RADX: variants seen among roughly 807,000 people sequenced by gnomAD.
RADX encodes RPA-related protein RADX.
RADX carries 36 observed loss-of-function variants against 61.6 expected under a neutral mutation model. That is an observed-to-expected ratio of 0.58 (90% CI 0.45 to 0.77). RADX has a LOEUF of 0.77. Among genes scored for constraint, RADX ranks in the 30% least tolerant of loss-of-function variants. The probability of loss-of-function intolerance (pLI) is 0.00; values close to 1 mark genes in which losing one functional copy is unlikely to be tolerated. For missense variants in RADX, 497 were observed against 651.1 expected (o/e 0.76, Z 2.58); for synonymous variants, 272 against 237.9 (o/e 1.14, Z -1.32).
chrX:106,639,382 G>T lies in RADX; in HGVS notation c.1574-145G>T, dbSNP rs1603045893. On this transcript the variant is annotated intron_variant, in intron 8 of 13. Transcript: ENST00000372548. ...TTTGCCTATTTCACAAAATTATATA[G>T]AAGGATGCCAGATATAAACACAGTG... 56 of 438,851 alleles carry T rather than the reference G, an allele frequency of 1.3e-4. No homozygotes were observed. In the East Asian group the frequency reaches 2.4e-3, roughly 19 times the overall value. The allele number at this position is 438,851 out of a possible 1,213,427, so 36.2% of individuals were successfully genotyped here.
At chrX:106,612,790 G>T in intron 1 of RADX, 67 bp downstream of exon 1, 1 of 1,039,002 alleles carries the variant, frequency 9.6e-7, no homozygotes, top group South Asian at 2.3e-5. Context: ...GCGTGAACGG[G>T]AAAGGAAATG....
chrX:106,637,650 AAG>A (rs1215755131), intron 7 of RADX, 108 bp from the exon 8 acceptor site: 11 of 586,995 alleles, frequency 1.9e-5, no homozygotes, highest in South Asian at 3.9e-5. Flanking sequence ...TTGGTGATAA[AAG>A]AGGGATTGTT....
At position 106,632,733 on chromosome X, in the gene RADX, G is replaced by GGTAAAATAGTTTCTT. The variant is rs766946952; in HGVS notation, c.1088+8_1088+22dup. The GGTAAAATAGTTTCTT allele has an allele frequency of 1.1e-5, 12 of 1,122,978 alleles. No homozygotes were observed. Among genetic ancestry groups the GGTAAAATAGTTTCTT allele is most frequent in the Non-Finnish European group, 1.5e-5 (12 of 823,795 alleles). 92.5% of individuals were successfully genotyped at this position (1,122,978 alleles called of 1,213,427 possible). A position where few individuals can be genotyped will look rare whatever the true frequency, so the allele number is the denominator to read the frequency against. Reference sequence around the variant, plus strand: ...AAGCTAAATCACCGATTTACCACAAGGTAAAATAGTTTCTTGTAAAATGTC... The same window carrying GGTAAAATAGTTTCTT: ...AAGCTAAATCACCGATTTACCACAAGGTAAAATAGTTTCTTGTAAAATAGTTTCTTGTAAAATGTC... On this transcript the variant is annotated stop_gained and inframe_insertion and splice_region_variant. Transcript: ENST00000372548. LOFTEE classifies it high-confidence loss of function.
intron 3 of RADX, among the ~76,000 whole-genome samples, chrX:106,632,381 C>A (rs773298312): frequency 1.1e-4 from 12 of 110,884 alleles, no homozygotes; most frequent in Middle Eastern, 4.7e-3. Context: ...GTGATAAAAC[C>A]CTTTTTAAGT....
At chrX:106,672,532 A>T (rs934635557) in intron 13 of RADX, among the ~76,000 whole-genome samples, 5 of 111,214 alleles carry the variant, frequency 4.5e-5, no homozygotes, top group African/African-American at 1.6e-4. Context: ...GGCTGGAGTG[A>T]CACAAGCTGC....
At chrX:106,630,329 C>CA in intron 3 of RADX, among the ~76,000 whole-genome samples, 1 of 79,460 alleles carries the variant, frequency 1.3e-5, no homozygotes, top group African/African-American at 4.2e-5. Flanking sequence ...ACAACAACTA[C>CA]AAAAAAACAA....
chrX:106,635,642 G>A (rs1927341096), intron 6 of RADX, among the ~76,000 whole-genome samples: 1 of 111,803 alleles, frequency 8.9e-6, no homozygotes, highest in African/African-American at 3.2e-5. Flanking sequence ...TAGTAAATAT[G>A]AGATGTAGCA....
chrX:106,613,152 A>G (rs1212150620), intron 1 of RADX, among the ~76,000 whole-genome samples: 3 of 112,101 alleles, frequency 2.7e-5, no homozygotes, highest in Non-Finnish European at 5.6e-5. Flanking sequence ...GGTTGTAAAA[A>G]TTTGCGGGTT....
In RADX at chrX:106,612,536, C is replaced by A; in HGVS notation, c.456C>A (p.Asn152Lys). 1 of 1,211,056 alleles carries A rather than the reference C, an allele frequency of 8.3e-7. No individual in the cohort carries two copies. Among genetic ancestry groups the A allele is most frequent in the Non-Finnish European group, 1.1e-6 (1 of 894,887 alleles). ...GCCAGGGGATCCTGTGCATAGATAACGTCCACTGTGGGGAGACTTCAGACA... is the reference window on the plus strand; with the variant it reads ...GCCAGGGGATCCTGTGCATAGATAAAGTCCACTGTGGGGAGACTTCAGACA... Reference protein sequence around the residue: ...RIGQGILCIDNVHCGETSDSI... With the variant: ...RIGQGILCIDKVHCGETSDSI... Residue 152 changes from asparagine to lysine, a missense_variant, in exon 1 of 14, where the codon AAC (asparagine) becomes AAA (lysine). Asn to Lys is a moderately conservative substitution (Grantham distance 94). Transcript: ENST00000372548.
intron 11 of RADX, among the ~76,000 whole-genome samples, chrX:106,659,273 C>T (rs766050024): frequency 1.8e-5 from 2 of 111,969 alleles, no homozygotes; most frequent in African/African-American, 3.2e-5. Context: ...GAGCCTGCCT[C>T]TATCAACCTA....
At chrX:106,637,661 T>C in intron 7 of RADX, 99 bp from the exon 8 acceptor site, 1 of 688,656 alleles carries the variant, frequency 1.5e-6, no homozygotes, top group Non-Finnish European at 2.1e-6. Context: ...AGAGGGATTG[T>C]TTTAATAGTA....
Position 106,636,547 on chromosome X carries a change from A to G in RADX, c.1308A>G (p.Ala436=), listed in dbSNP as rs1259860266. The change falls in exon 7 of 14, where the codon GCA becomes GCG. Residue 436 remains alanine, a synonymous_variant. Coordinates refer to ENST00000372548, the MANE Select transcript of RADX (RefSeq NM_018015.6). ...ATAAGTGTTTTTGTTCTCTAGTGGC[A>G]TATTTTGTGTGTACACAGTTGAAAG... ...PEIFENIYPM[A]YFVCTQLKVV... 8.6e-7 allele frequency: 1 copy of G among 1,166,931 alleles called. No homozygotes were observed. Among genetic ancestry groups the G allele is most frequent in the Admixed American group, 2.2e-5 (1 of 44,755 alleles).
intron 1 of RADX, among the ~76,000 whole-genome samples, chrX:106,616,146 A>G (rs1468439596): frequency 1.8e-5 from 2 of 111,460 alleles, no homozygotes; most frequent in African/African-American, 6.5e-5. Flanking sequence ...TGATTAAACC[A>G]ATAATGCTTT....
chrX:106,641,629 C>G (rs1258364834), intron 10 of RADX, among the ~76,000 whole-genome samples: 2 of 111,215 alleles, frequency 1.8e-5, no homozygotes, highest in South Asian at 7.7e-4. Flanking sequence ...GATTTTAAGG[C>G]TTCAGAATTA....
chrX:106,615,477 T>G (rs1412042259), intron 1 of RADX, among the ~76,000 whole-genome samples: 5 of 111,719 alleles, frequency 4.5e-5, no homozygotes, highest in African/African-American at 1.6e-4. Flanking sequence ...AAACCTCCAG[T>G]CTTTTTCCTG....
chrX:106,631,711 A>AG (rs1160580001), intron 3 of RADX, among the ~76,000 whole-genome samples: 1 of 107,377 alleles, frequency 9.3e-6, no homozygotes, highest in Non-Finnish European at 1.9e-5. Flanking sequence ...CAAAAAAAAA[A>AG]AAAAAGAAAG....
intron 10 of RADX, 104 bp downstream of exon 10, chrX:106,640,825 G>A: frequency 1.8e-6 from 1 of 549,012 alleles, no homozygotes; most frequent in East Asian, 4.0e-5. Flanking sequence ...AATTTGTTAG[G>A]GCCCCCATAA....
At chrX:106,619,749 A>G (rs750465048) in intron 1 of RADX, among the ~76,000 whole-genome samples, 5 of 109,048 alleles carry the variant, frequency 4.6e-5, no homozygotes, top group African/African-American at 1.8e-4. Flanking sequence ...TCTTTTAACA[A>G]TTTTTATTTG....
chrX:106,641,429 G>A (rs1569425645), intron 10 of RADX, among the ~76,000 whole-genome samples: 1 of 110,826 alleles, frequency 9.0e-6, no homozygotes, highest in Non-Finnish European at 1.9e-5. Context: ...TGATCATGGT[G>A]ATTTATCCTG....
Sources: allele counts gnomAD v4.1 joint callset (sites outside exome capture counted in the v4.1 genomes callset), GRCh38; gene constraint gnomAD v4.1.1; transcripts MANE v1.5; gene names NCBI Gene and HGNC (gene_info 2026-07-23, HGNC 2026-07-21).